Variants in LILRB1 observed in about 807,000 individuals in gnomAD.
The protein encoded by LILRB1 is leukocyte immunoglobulin like receptor B1, also known as leukocyte immunoglobulin-like receptor subfamily B member 1.
Under a neutral mutation model 74.6 loss-of-function variants are expected in LILRB1, and 59 were observed. The ratio of observed to expected loss-of-function variants is 0.79; its 90% CI spans 0.64 to 0.98. The LOEUF (loss-of-function observed/expected upper bound fraction) is 0.98. LILRB1 is among the 50% of genes least tolerant of loss of function. The pLI, the probability that LILRB1 is intolerant of heterozygous loss-of-function variation, is 0.00. For missense variants in LILRB1, 804 were observed against 822.6 expected, an observed-to-expected ratio of 0.98 and a Z score of 0.28; for synonymous variants, 328 against 333.9, an observed-to-expected ratio of 0.98 and a Z score of 0.19.
chr19:54,632,448 G>A lies in LILRB1; in HGVS notation c.662-16G>A. Reference sequence around the variant, plus strand: ...CTGAGGGTCGGCTCCTGGAAACCATGACCACCTTTTCCCAGGTGTTTCTAA... The same window carrying A: ...CTGAGGGTCGGCTCCTGGAAACCATAACCACCTTTTCCCAGGTGTTTCTAA... On this transcript the variant is annotated splice_polypyrimidine_tract_variant and intron_variant, in intron 5 of 14. Coordinates refer to ENST00000324602, the MANE Select transcript of LILRB1 (RefSeq NM_001081637.3). 1.3e-6 allele frequency: 2 copies of A among 1,587,684 alleles called. No homozygotes were observed. Among genetic ancestry groups the A allele is most frequent in the East Asian group, 4.5e-5 (2 of 44,572 alleles).
chr19:54,635,889 C>T (rs1568606753), intron 13 of LILRB1: 4 of 649,038 alleles, frequency 6.2e-6, no homozygotes, highest in East Asian at 6.2e-5. Flanking sequence ...ATAAATGAAC[C>T]ACCCCGGTCC....
intron 1 of LILRB1, among the ~76,000 whole-genome samples, chr19:54,617,801 G>A (rs1439210670): frequency 1.3e-5 from 2 of 151,992 alleles, no homozygotes; most frequent in Non-Finnish European, 2.9e-5. Flanking sequence ...AAGGAAACAG[G>A]TTATGAAGAG....
At position 54,634,986 on chromosome 19, in the gene LILRB1, G is replaced by T. The variant is rs560001272; in HGVS notation, c.1487-118G>T. The stretch of plus-strand genomic sequence containing the variant: ...CTTCGGGCTCTGTCCATCCTATGAG[G>T]CATTTGGAACATGGAGGCAGGAGTG... On this transcript the variant is annotated intron_variant, in intron 10 of 14. Transcript: ENST00000324602. The T allele has an allele frequency of 4.9e-6, 7 of 1,441,636 alleles. No individual in the cohort carries two copies. The East Asian group carries it at 1.6e-4, about 33-fold the overall frequency. 89.3% of individuals were successfully genotyped at this position (1,441,636 alleles called of 1,614,324 possible). A position where few individuals can be genotyped will look rare whatever the true frequency, so the allele number is the denominator to read the frequency against.
intron 6 of LILRB1, 74 bp from the exon 7 acceptor site, chr19:54,632,942 C>T: frequency 6.4e-7 from 1 of 1,569,222 alleles, no homozygotes; most frequent in South Asian, 1.2e-5. Flanking sequence ...ACTGAGGGTC[C>T]CAGAGGGAGA....
At chr19:54,631,151 C>T in intron 2 of LILRB1, 44 bp downstream of exon 2, 1 of 1,613,894 alleles carries the variant, frequency 6.2e-7, no homozygotes, top group Non-Finnish European at 8.5e-7. Flanking sequence ...TAAGAGGGAC[C>T]TCACCCCACA....
intron 9 of LILRB1, 143 bp downstream of exon 9, chr19:54,634,164 G>T (rs2064176520): frequency 1.3e-6 from 2 of 1,518,724 alleles, no homozygotes; most frequent in South Asian, 2.5e-5. Flanking sequence ...AAATGTAAAG[G>T]TGAGAGGCCT....
rs559763739 is a variant in LILRB1, at chr19:54,634,689, T to A, written c.1412T>A (p.Ile471Asn). 1.2e-6 allele frequency: 2 copies of A among 1,613,950 alleles called. No individual in the cohort carries two copies. Among genetic ancestry groups the A allele is most frequent in the South Asian group, 2.2e-5 (2 of 91,060 alleles). Residue 471 changes from isoleucine to asparagine, a missense_variant, in exon 10 of 15, where the codon ATC becomes AAC. Transcript: ENST00000324602. ...GTGATCGGCATCTTGGTGGCCGTCA[T>A]CCTACTGCTCCTCCTCCTCCTCCTC... The part of the protein sequence containing the change: ...GVVIGILVAV[I>N]LLLLLLLLLF...
rs752330426 is a variant in LILRB1 at position 54,633,705 on chromosome 19, T to G, written c.1312+17T>G. The G allele has an allele frequency of 2.1e-5, 34 of 1,612,028 alleles. No homozygotes were observed. The Middle Eastern group carries it at 4.9e-4, about 23-fold the overall frequency. Reference sequence around the variant, plus strand: ...CCACATCTGGTGAGTCCCTGAGGCTTCTGAACTCAAGGGAGTGCGGCCTCC... The same window carrying G: ...CCACATCTGGTGAGTCCCTGAGGCTGCTGAACTCAAGGGAGTGCGGCCTCC... On this transcript the variant is annotated intron_variant, in intron 8 of 14. Transcript: ENST00000324602.
chr19:54,618,901 A>G (rs550369673), intron 1 of LILRB1, among the ~76,000 whole-genome samples: 1 of 152,330 alleles, frequency 6.6e-6, no homozygotes, highest in East Asian at 1.9e-4. Flanking sequence ...TAAGTTTATC[A>G]AGTAAATGCA....
chr19:54,617,978 G>A (rs1043294964), intron 1 of LILRB1, among the ~76,000 whole-genome samples: 11 of 151,576 alleles, frequency 7.3e-5, no homozygotes, highest in South Asian at 2.1e-4. Flanking sequence ...TGGCACACTC[G>A]TAATCCCAGC....
chr19:54,621,874 G>T (rs1004039630), intron 1 of LILRB1, among the ~76,000 whole-genome samples: 4 of 152,154 alleles, frequency 2.6e-5, no homozygotes, highest in African/African-American at 9.7e-5. Context: ...CATGGTGGGA[G>T]ATAAAGGTCC....
At chr19:54,619,250 A>G (rs1051935346) in intron 1 of LILRB1, among the ~76,000 whole-genome samples, 7 of 152,160 alleles carry the variant, frequency 4.6e-5, no homozygotes, top group Non-Finnish European at 1.0e-4. Flanking sequence ...AATAACTGAT[A>G]GTTCAAGAAA....
At position 54,621,648 on chromosome 19, in the gene LILRB1, A is replaced by G. The variant is rs113012567; in HGVS notation, c.-166+4299A>G. Among the ~76,000 whole-genome samples the G allele has an allele frequency of 9.3e-3, 1,404 of 151,644 alleles. 29 individuals are homozygous for G. The highest frequency in any genetic ancestry group is 0.032 in the African/African-American group (1,339 of 41,282). On this transcript the variant is annotated intron_variant, in intron 1 of 15. Transcript: ENST00000396331. ...CTTCCATTGTGTAGGTTGTCTGTTCATTCTGTTGATTGTTTCTTTTGCTGT... is the reference window on the plus strand; with the variant it reads ...CTTCCATTGTGTAGGTTGTCTGTTCGTTCTGTTGATTGTTTCTTTTGCTGT...
At position 54,632,189 on chromosome 19, in the gene LILRB1, C is replaced by T; in HGVS notation, c.613C>T (p.Pro205Ser). The change falls in exon 5 of 15, where the codon CCC (proline) becomes TCC (serine). Residue 205 changes from proline to serine, a missense_variant. Physicochemically the swap from Pro to Ser is moderately conservative, Grantham distance 74. Coordinates refer to ENST00000324602, the MANE Select transcript of LILRB1 (RefSeq NM_001081637.3). The stretch of plus-strand genomic sequence containing the variant: ...GTGCTATGCTTATGACTCGAACTCT[C>T]CCTATGAGTGGTCTCTACCCAGTGA... Reference protein sequence around the residue: ...YRCYAYDSNSPYEWSLPSDLL... With the variant: ...YRCYAYDSNSSYEWSLPSDLL... The T allele has an allele frequency of 6.2e-7, 1 of 1,614,166 alleles. No individual in the cohort carries two copies. The highest frequency in any genetic ancestry group is 8.5e-7 in the Non-Finnish European group (1 of 1,180,010).
intron 3 of LILRB1, 76 bp from the exon 4 acceptor site, chr19:54,631,424 G>A (rs2063830053): frequency 6.2e-7 from 1 of 1,603,996 alleles, no homozygotes; most frequent in Non-Finnish European, 8.5e-7. Flanking sequence ...GCGTCTGGAG[G>A]GTCCTGGGCT....
chr19:54,635,022 T>C (rs1568603238), intron 10 of LILRB1, 82 bp from the exon 11 acceptor site: 1 of 1,336,714 alleles, frequency 7.5e-7, no homozygotes, highest in Non-Finnish European at 1.0e-6. Context: ...TTTTTAGGTT[T>C]CCTTCCTTAC....
At chr19:54,633,891 G>A in intron 8 of LILRB1, 80 bp from the exon 9 acceptor site, 2 of 1,530,292 alleles carry the variant, frequency 1.3e-6, no homozygotes, top group Admixed American at 2.0e-5. Context: ...GAAATGTTGG[G>A]GCCCAGCCTG....
At chr19:54,635,003 G>T (rs1040531122) in intron 10 of LILRB1, 101 bp from the exon 11 acceptor site, 3 of 1,401,118 alleles carry the variant, frequency 2.1e-6, no homozygotes, top group Non-Finnish European at 2.9e-6. Flanking sequence ...GAACATGGAG[G>T]CAGGAGTGTT....
chr19:54,631,736 G>A lies in LILRB1; in HGVS notation c.307G>A (p.Asp103Asn), dbSNP rs61738512. 32 of 1,613,416 alleles carry A rather than the reference G, an allele frequency of 2.0e-5. No individual in the cohort carries two copies. Among genetic ancestry groups the A allele is most frequent in the African/African-American group, 2.7e-5 (2 of 74,924 alleles). The change falls in exon 4 of 15, where the codon GAC (aspartate) becomes AAC (asparagine). Residue 103 changes from aspartate (D) to asparagine (N), a missense_variant. Coordinates refer to ENST00000324602, the MANE Select transcript of LILRB1 (RefSeq NM_001081637.3). ...TGRYRCYYGS[D>N]TAGRSESSDP... ...GCGGTATCGCTGTTACTATGGTAGCGACACTGCAGGCCGCTCAGAGAGCAG... is the reference window on the plus strand; with the variant it reads ...GCGGTATCGCTGTTACTATGGTAGCAACACTGCAGGCCGCTCAGAGAGCAG...
Sources: allele counts gnomAD v4.1 joint callset (sites outside exome capture counted in the v4.1 genomes callset), GRCh38; gene constraint gnomAD v4.1.1; transcripts MANE v1.5; gene names NCBI Gene and HGNC (gene_info 2026-07-23, HGNC 2026-07-21).